The following ZNF773 variants were observed in gnomAD, a reference collection of about 807,000 sequenced individuals.
ZNF773 encodes the protein zinc finger protein 419B.
ZNF773 carries 11 observed loss-of-function variants against 12.8 expected under a neutral mutation model. That is an observed-to-expected ratio of 0.86 (90% CI 0.54 to 1.42). The LOEUF is 1.42. Among genes scored for constraint, ZNF773 ranks in the 40% most tolerant of loss-of-function variants. ZNF773 has a pLI of 0.00. For missense variants in ZNF773, 518 were observed against 527.2 expected, an observed-to-expected ratio of 0.98 and a Z score of 0.17; for synonymous variants, 175 against 178.4, an observed-to-expected ratio of 0.98 and a Z score of 0.15.
At chr19:57,511,840 A>T (rs1347763541), downstream of ZNF773, among the ~76,000 whole-genome samples, 1 of 151,450 alleles carries the variant, frequency 6.6e-6, no homozygotes, top group Non-Finnish European at 1.5e-5. Flanking sequence ...TAAAAAATAA[A>T]CTATGAATAC....
downstream of ZNF773, chr19:57,513,199 G>T (rs1406998505): frequency 1.9e-6 from 2 of 1,048,862 alleles, no homozygotes; most frequent in Non-Finnish European, 2.5e-6. Flanking sequence ...CTGAATCAGG[G>T]TAACATAGGG....
rs370538992 is a variant in ZNF773, at chr19:57,506,432, C to G, written c.337C>G (p.Gln113Glu). 3.1e-6 allele frequency: 5 copies of G among 1,614,106 alleles called. No homozygotes were observed. In the African/African-American group the frequency reaches 6.7e-5, roughly 22 times the overall value. ...TGTAGAAGTGCCCAGTTCAAACGTTCAGCAACACCAGAAGCAGCACTGTGG... is the reference window on the plus strand; with the variant it reads ...TGTAGAAGTGCCCAGTTCAAACGTTGAGCAACACCAGAAGCAGCACTGTGG... Reference protein sequence around the residue: ...ASVEVPSSNVQQHQKQHCGEK... With the variant: ...ASVEVPSSNVEQHQKQHCGEK... Residue 113 changes from glutamine (Q) to glutamate (E), a missense_variant, in exon 4 of 4, where the codon CAG becomes GAG. By Grantham distance (29) the Gln-to-Glu change is conservative. Coordinates refer to ENST00000282292, the MANE Select transcript of ZNF773 (RefSeq NM_198542.3).
In ZNF773 at chr19:57,507,042, C is replaced by G. The variant is rs1348705230; in HGVS notation, c.947C>G (p.Ser316Cys). The part of the protein sequence containing the change: ...SECGKLFSFN[S>C]SLMKHQRVHT... ...TGTGGAAAATTGTTTAGTTTCAACT[C>G]CAGCCTCATGAAACATCAGAGAGTT... Residue 316 changes from serine (S) to cysteine (C), a missense_variant, in exon 4 of 4, where the codon TCC (serine) becomes TGC (cysteine). Coordinates refer to ENST00000282292, the MANE Select transcript of ZNF773 (RefSeq NM_198542.3). The G allele has an allele frequency of 1.2e-6, 2 of 1,614,184 alleles. No individual in the cohort carries two copies. The highest frequency in any genetic ancestry group is 1.3e-5 in the African/African-American group (1 of 75,044).
At chr19:57,509,315 T>C (rs1342839004), downstream of ZNF773, among the ~76,000 whole-genome samples, 1 of 152,260 alleles carries the variant, frequency 6.6e-6, no homozygotes, top group Non-Finnish European at 1.5e-5. Context: ...TTTGTAGGTT[T>C]AACTACAGAT....
At chr19:57,511,730 CACACACATACACACAT>C (rs898723311), downstream of ZNF773, among the ~76,000 whole-genome samples, 4 of 143,562 alleles carry the variant, frequency 2.8e-5, no homozygotes, top group African/African-American at 1.1e-4. Flanking sequence ...CACACACACA[CACACACATACACACAT>C]ACACACACTC....
chr19:57,514,423 C>T (rs576154676), downstream of ZNF773: 1 of 152,308 alleles, frequency 6.6e-6, no homozygotes, highest in African/African-American at 2.4e-5. Context: ...GGAGATTCTT[C>T]ATTAGACTCT....
At chr19:57,511,188 C>CT (rs1184202678), downstream of ZNF773, among the ~76,000 whole-genome samples, 3 of 151,682 alleles carry the variant, frequency 2.0e-5, no homozygotes, top group Non-Finnish European at 4.4e-5. Flanking sequence ...GTAGCTGGGA[C>CT]TACAGGTACC....
Position 57,506,745 on chromosome 19 carries a change from A to C in ZNF773, c.650A>C (p.Lys217Thr). The C allele has an allele frequency of 1.9e-6, 3 of 1,614,216 alleles. No homozygotes were observed. The highest frequency in any genetic ancestry group is 2.5e-6 in the Non-Finnish European group (3 of 1,180,034). The change falls in exon 4 of 4, where the codon AAG (lysine) becomes ACG (threonine). Residue 217 changes from lysine to threonine, a missense_variant. Coordinates refer to ENST00000282292, the MANE Select transcript of ZNF773 (RefSeq NM_198542.3). Reference protein sequence around the residue: ...VQHQRLHTGEKPYECSECGKL... With the variant: ...VQHQRLHTGETPYECSECGKL... ...CACCAGAGACTGCACACTGGGGAAA[A>C]GCCTTATGAATGCAGTGAATGTGGG...
At chr19:57,514,331 A>G (rs1438130377), downstream of ZNF773, 3 of 152,212 alleles carry the variant, frequency 2.0e-5, no homozygotes, top group Admixed American at 2.0e-4. Flanking sequence ...ATTTCCAACA[A>G]TTATCAGGGG....
chr19:57,504,627 C>A (rs371452579), intron 1 of ZNF773, 30 bp from the exon 2 acceptor site: 2 of 1,611,360 alleles, frequency 1.2e-6, no homozygotes, highest in Non-Finnish European at 1.7e-6. Context: ...GTAAGGAGAC[C>A]GCAGATAAAC....
downstream of ZNF773, chr19:57,513,042 G>A: frequency 1.9e-6 from 3 of 1,565,736 alleles, no homozygotes; most frequent in Non-Finnish European, 2.6e-6. Flanking sequence ...ACAGCCACAA[G>A]TGGCGCCCGA....
At chr19:57,502,197 C>T (rs927874631) in intron 1 of ZNF773, among the ~76,000 whole-genome samples, 1 of 152,150 alleles carries the variant, frequency 6.6e-6, no homozygotes, top group African/African-American at 2.4e-5. Flanking sequence ...CCACCTCTGC[C>T]TCCCAAAGTG....
chr19:57,500,097 T>C lies in ZNF773; in HGVS notation c.17T>C (p.Leu6Pro). The C allele has an allele frequency of 6.2e-7, 1 of 1,605,740 alleles. No individual in the cohort carries two copies. The highest frequency in any genetic ancestry group is 8.5e-7 in the Non-Finnish European group (1 of 1,177,632). MAAATLRDPAQQGYVT... is the reference protein window; with the variant it reads MAAATPRDPAQQGYVT... ...CAGGCTCCGATGGCGGCGGCCACGC[T>C]GAGGGACCCCGCTCAGGTGAGCGCC... The change falls in exon 1 of 4, where the codon CTG becomes CCG. Residue 6 changes from leucine to proline, a missense_variant. Coordinates refer to ENST00000282292, the MANE Select transcript of ZNF773 (RefSeq NM_198542.3).
intron 1 of ZNF773, among the ~76,000 whole-genome samples, chr19:57,504,135 C>A (rs2123254143): frequency 6.6e-6 from 1 of 152,198 alleles, no homozygotes; most frequent in Middle Eastern, 3.4e-3. Flanking sequence ...TGAGGGTTGC[C>A]CCTGGTAGTC....
At chr19:57,514,338 G>A (rs2089818572), downstream of ZNF773, 1 of 152,196 alleles carries the variant, frequency 6.6e-6, no homozygotes, top group South Asian at 2.1e-4. Context: ...ACAATTATCA[G>A]GGGACATTAA....
chr19:57,511,063 T>A (rs893869826), downstream of ZNF773, among the ~76,000 whole-genome samples: 33 of 151,306 alleles, frequency 2.2e-4, no homozygotes, highest in African/African-American at 7.3e-4. Context: ...TTATTTTTTT[T>A]TTTTTTGAGA....
intron 1 of ZNF773, among the ~76,000 whole-genome samples, chr19:57,501,926 C>G (rs1404465117): frequency 6.6e-6 from 1 of 152,040 alleles, no homozygotes; most frequent in Non-Finnish European, 1.5e-5. Context: ...GTCCTGAGTC[C>G]AGACTACATA....
intron 1 of ZNF773, among the ~76,000 whole-genome samples, chr19:57,500,336 A>C (rs1160409771): frequency 4.0e-5 from 6 of 151,258 alleles, no homozygotes; most frequent in Non-Finnish European, 8.8e-5. Flanking sequence ...TGTAGTGGGC[A>C]GCTTGGGAAG....
rs558111663 is a variant in ZNF773, at chr19:57,500,233, A to G, written c.33+120A>G. The G allele has an allele frequency of 5.6e-5, 76 of 1,355,966 alleles. No individual in the cohort carries two copies. The East Asian group carries it at 2.0e-3, about 36-fold the overall frequency. The allele number at this position is 1,355,966 out of a possible 1,614,324, so 84.0% of individuals were successfully genotyped here. A position where few individuals can be genotyped will look rare whatever the true frequency, so the allele number is the denominator to read the frequency against. ...GGGCGGCGTCCCGTTTCTGACACGC[A>G]GTGTGATGGGGTGGCAATGGAGGGC... On this transcript the variant is annotated intron_variant, in intron 1 of 3. Transcript: ENST00000282292.
Sources: gnomAD v4.1 joint callset for allele counts (sites outside exome capture counted in the v4.1 genomes callset) on GRCh38, gnomAD v4.1.1 for gene constraint, MANE v1.5 for transcripts, NCBI Gene and HGNC (gene_info 2026-07-23, HGNC 2026-07-21) for gene names.